KIF26B: variants seen among roughly 807,000 people sequenced by gnomAD.
The protein encoded by KIF26B is kinesin family member 26B.
A neutral mutation model predicts 151.2 loss-of-function variants in KIF26B; 63 were observed. That is an observed-to-expected ratio of 0.42 (90% CI 0.34 to 0.51). The LOEUF (loss-of-function observed/expected upper bound fraction) is 0.51, where lower values mean the gene tolerates loss of function less well. KIF26B is among the 20% of genes least tolerant of loss of function. The pLI, the probability that KIF26B is intolerant of heterozygous loss-of-function variation, is 0.07. For synonymous variants in KIF26B, 1,357 were observed against 1,262.1 expected, an observed-to-expected ratio of 1.08 and a Z score of -1.59; for missense variants, 2,813 against 2,913.6, an observed-to-expected ratio of 0.97 and a Z score of 0.79.
At chr1:245,348,140 C>T (rs1266884869) in intron 2 of KIF26B, among the ~76,000 whole-genome samples, 1 of 152,150 alleles carries the variant, frequency 6.6e-6, no homozygotes, top group Non-Finnish European at 1.5e-5. Context: ...TTTGATTTCT[C>T]CTTTGAGCTC....
rs1288463869 is a variant in KIF26B, at chr1:245,512,875, C to A, written c.1167-27892C>A. On this transcript the variant is annotated intron_variant, in intron 4 of 14. Coordinates refer to ENST00000407071, the MANE Select transcript of KIF26B (RefSeq NM_018012.4). This position sits in a 1 kb window ranked among gnomAD's most constrained non-coding sequence, Gnocchi z 4.3. ...GGAAAACCTAGAGCAAAAATCATGC[C>A]GGGGAAAGGAAAATCATTAAAAAAC... Among the ~76,000 whole-genome samples, 2 of 151,910 alleles carry A rather than the reference C, an allele frequency of 1.3e-5. No individual in the cohort carries two copies. Among genetic ancestry groups the A allele is most frequent in the South Asian group, 2.1e-4 (1 of 4,792 alleles).
chr1:245,648,382 C>A (rs2043976615), intron 10 of KIF26B, among the ~76,000 whole-genome samples: 1 of 152,108 alleles, frequency 6.6e-6, no homozygotes, highest in African/African-American at 2.4e-5. Context: ...AGCGTGGTGG[C>A]TCACACCTAT....
At position 245,670,253 on chromosome 1, in the gene KIF26B, T is replaced by C. The variant is rs1157420305; in HGVS notation, c.2259-13980T>C. ...GTATGCGTGTGTATATCCATATATA[T>C]ATATATATATATATATATATATATA... On this transcript the variant is annotated intron_variant, in intron 10 of 14. Coordinates refer to ENST00000407071, the MANE Select transcript of KIF26B (RefSeq NM_018012.4). 3.0e-4 allele frequency among the ~76,000 whole-genome samples: 8 copies of C among 26,596 alleles called. No individual in the cohort carries two copies. In the East Asian group the frequency reaches 0.022, roughly 72 times the overall value. The allele number at this position is 26,596 out of a possible 152,430, so 17.4% of individuals were successfully genotyped here.
intron 2 of KIF26B, among the ~76,000 whole-genome samples, chr1:245,319,627 A>C (rs1030912582): frequency 1.3e-5 from 2 of 152,146 alleles, no homozygotes; most frequent in African/African-American, 4.8e-5. Flanking sequence ...CATCTCACAC[A>C]ATCTCTGTCC....
intron 2 of KIF26B, among the ~76,000 whole-genome samples, chr1:245,330,932 A>G (rs1672096446): frequency 6.6e-6 from 1 of 151,848 alleles, no homozygotes; most frequent in African/African-American, 2.4e-5. Context: ...GAGGTGCGGG[A>G]AGTCCCCGCA....
chr1:245,513,115 T>C (rs1227340343), intron 4 of KIF26B, among the ~76,000 whole-genome samples: 1 of 151,962 alleles, frequency 6.6e-6, no homozygotes, highest in Non-Finnish European at 1.5e-5. Context: ...TTCTGCTCAC[T>C]AACAGAGGAA....
At chr1:245,259,020 C>A (rs1316521182) in intron 2 of KIF26B, among the ~76,000 whole-genome samples, 1 of 152,182 alleles carries the variant, frequency 6.6e-6, no homozygotes, top group African/African-American at 2.4e-5. Flanking sequence ...TCTGCAACAG[C>A]CCCCCAGGCG....
At chr1:245,649,317 C>A (rs1436425006) in intron 10 of KIF26B, among the ~76,000 whole-genome samples, 1 of 152,154 alleles carries the variant, frequency 6.6e-6, no homozygotes, top group Non-Finnish European at 1.5e-5. Flanking sequence ...ATCAAACTGC[C>A]TCGCTCCTCA....
At chr1:245,682,378 C>G (rs2044451535) in intron 10 of KIF26B, among the ~76,000 whole-genome samples, 1 of 152,246 alleles carries the variant, frequency 6.6e-6, no homozygotes, top group Non-Finnish European at 1.5e-5. Context: ...TTATAGAACA[C>G]AGCTACCATG....
chr1:245,385,088 C>G (rs1673511328), intron 3 of KIF26B, among the ~76,000 whole-genome samples: 1 of 152,176 alleles, frequency 6.6e-6, no homozygotes, highest in African/African-American at 2.4e-5. Flanking sequence ...ATCTGCATCT[C>G]TGAGAATAGG....
chr1:245,477,857 G>A (rs943732342), intron 4 of KIF26B, among the ~76,000 whole-genome samples: 3 of 151,762 alleles, frequency 2.0e-5, no homozygotes, highest in Non-Finnish European at 4.4e-5. Flanking sequence ...CAATTTAAAT[G>A]TAATTCATAT....
At chr1:245,634,229 T>C (rs1268698781) in intron 9 of KIF26B, among the ~76,000 whole-genome samples, 1 of 152,254 alleles carries the variant, frequency 6.6e-6, no homozygotes, top group Non-Finnish European at 1.5e-5. Context: ...AGTACCTTTT[T>C]TGTGGATTGC....
chr1:245,175,978 A>C (rs571999049), intron 2 of KIF26B, among the ~76,000 whole-genome samples: 20 of 148,544 alleles, frequency 1.3e-4, no homozygotes, highest in Admixed American at 4.7e-4. Flanking sequence ...ATAGACATCT[A>C]TATATATAGA....
intron 2 of KIF26B, among the ~76,000 whole-genome samples, chr1:245,283,350 C>T (rs1671100051): frequency 1.3e-5 from 2 of 152,160 alleles, no homozygotes; most frequent in Non-Finnish European, 2.9e-5. Context: ...CCCGACTCAT[C>T]AGTTCTTCAC....
chr1:245,274,046 T>C (rs564792362), intron 2 of KIF26B, among the ~76,000 whole-genome samples: 11 of 152,196 alleles, frequency 7.2e-5, no homozygotes, highest in South Asian at 2.1e-4. Flanking sequence ...TTCTTTGTGG[T>C]TAACATGGGG....
intron 3 of KIF26B, among the ~76,000 whole-genome samples, chr1:245,415,912 G>A (rs76721511): frequency 0.017 from 2,583 of 151,848 alleles, 86 homozygotes; most frequent in African/African-American, 0.058. Context: ...ACATTGTGGA[G>A]CCAAAACACT....
intron 2 of KIF26B, among the ~76,000 whole-genome samples, chr1:245,267,116 T>G (rs1383673936): frequency 6.6e-6 from 1 of 152,216 alleles, no homozygotes. Flanking sequence ...TATATGCATT[T>G]CATTCTGCAC....
intron 4 of KIF26B, among the ~76,000 whole-genome samples, chr1:245,505,051 G>A (rs1426900481): frequency 6.6e-6 from 1 of 151,726 alleles, no homozygotes; most frequent in Admixed American, 6.6e-5. Context: ...CGATTCTCCT[G>A]GCTCAGCCTC....
chr1:245,284,899 C>T (rs879709658), intron 2 of KIF26B, among the ~76,000 whole-genome samples: 5 of 152,072 alleles, frequency 3.3e-5, no homozygotes, highest in African/African-American at 7.2e-5. Flanking sequence ...ATTAGCCGGG[C>T]GTGGTGGCGC....
Sources: gnomAD v4.1 joint callset for allele counts (sites outside exome capture counted in the v4.1 genomes callset) on GRCh38, gnomAD v4.1.1 for gene constraint, Gnocchi (gnomAD v3.1) non-coding constraint, MANE v1.5 for transcripts, NCBI Gene and HGNC (gene_info 2026-07-23, HGNC 2026-07-21) for gene names.